RNF10: variants seen among roughly 807,000 people sequenced by gnomAD.
RNF10 encodes the protein E3 ubiquitin-protein ligase RNF10.
RNF10 carries 38 observed loss-of-function variants against 91.4 expected under a neutral mutation model. The ratio of observed to expected loss-of-function variants is 0.42; its 90% CI spans 0.32 to 0.54. The LOEUF (loss-of-function observed/expected upper bound fraction) is 0.54. Ranked by LOEUF, RNF10 falls within the 20% of genes least tolerant of loss-of-function variation. The probability of loss-of-function intolerance (pLI) is 0.16; values close to 1 mark genes in which losing one functional copy is unlikely to be tolerated. For synonymous variants in RNF10, 364 were observed against 366.3 expected, an observed-to-expected ratio of 0.99 and a Z score of 0.07; for missense variants, 945 against 1,012.0, an observed-to-expected ratio of 0.93 and a Z score of 0.90.
intron 1 of RNF10, among the ~76,000 whole-genome samples, chr12:120,538,454 A>C (rs1435751827): frequency 1.3e-5 from 2 of 152,236 alleles, no homozygotes; most frequent in Admixed American, 1.3e-4. Flanking sequence ...CTAGAGTCGC[A>C]TACCACAGTT....
At chr12:120,551,098 A>T (rs1022161290) in intron 2 of RNF10, among the ~76,000 whole-genome samples, 1 of 150,200 alleles carries the variant, frequency 6.7e-6, no homozygotes. Flanking sequence ...TTATCCTCCC[A>T]CCTCAGCCTT....
At chr12:120,537,518 C>T (rs572961119) in intron 1 of RNF10, among the ~76,000 whole-genome samples, 71 of 152,008 alleles carry the variant, frequency 4.7e-4, no homozygotes, top group African/African-American at 1.6e-3. Context: ...ATCCCAGCTA[C>T]TCGGGGGGCT....
In RNF10 at chr12:120,576,592, G is replaced by C. The variant is rs760001652; in HGVS notation, c.2362G>C (p.Glu788Gln). 225 of 1,613,628 alleles carry C rather than the reference G, an allele frequency of 1.4e-4. No individual in the cohort carries two copies. The highest frequency in any genetic ancestry group is 1.9e-4 in the Non-Finnish European group (223 of 1,179,798). ...TPATSDPLSE[E>Q]KGGKKRKKQK... ...TGTCTTTCTGTGTCTCCCTTTAGAA[G>C]AGAAAGGAGGAAAGAAAAGAAAAAA... The change falls in exon 17 of 17, where the codon GAG (glutamate) becomes CAG (glutamine). Residue 788 changes from glutamate (E) to glutamine (Q), a missense_variant and splice_region_variant. Physicochemically the swap from Glu to Gln is conservative, Grantham distance 29. Transcript: ENST00000325954.
At position 120,539,443 on chromosome 12, in the gene RNF10, T is replaced by A. The variant is rs779328858; in HGVS notation, c.157+4475T>A. The A allele has an allele frequency of 4.0e-5, 52 of 1,287,658 alleles. No homozygotes were observed. In the South Asian group the frequency reaches 6.2e-4, roughly 15 times the overall value. The allele number at this position is 1,287,658 out of a possible 1,614,324, so 79.8% of individuals were successfully genotyped here. On this transcript the variant is annotated intron_variant, in intron 1 of 16. Transcript: ENST00000325954. Reference sequence around the variant, plus strand: ...AGGCCATATGTTGCCCCTCTGGAGGTGCTTGTCAACTACTCTGGATGATGG... The same window carrying A: ...AGGCCATATGTTGCCCCTCTGGAGGAGCTTGTCAACTACTCTGGATGATGG...
chr12:120,572,974 CAG>C (rs1473239570), intron 14 of RNF10, among the ~76,000 whole-genome samples: 1 of 140,092 alleles, frequency 7.1e-6, no homozygotes, highest in Non-Finnish European at 1.5e-5. Flanking sequence ...TTTTGAAATA[CAG>C]AGTTGAAAGA....
chr12:120,561,005 A>C, intron 7 of RNF10, 119 bp downstream of exon 7: 1 of 996,790 alleles, frequency 1.0e-6, no homozygotes, highest in Admixed American at 2.8e-5. Context: ...CTGGGGATTA[A>C]GTTAGTTCCA....
intron 2 of RNF10, among the ~76,000 whole-genome samples, chr12:120,551,387 CG>C (rs1873066249): frequency 6.9e-6 from 1 of 145,210 alleles, no homozygotes; most frequent in Admixed American, 7.1e-5. Flanking sequence ...CTCTGCCTCT[CG>C]GGTTCAAGCG....
chr12:120,565,893 G>A (rs1875614238), intron 12 of RNF10, among the ~76,000 whole-genome samples: 1 of 152,228 alleles, frequency 6.6e-6, no homozygotes, highest in South Asian at 2.1e-4. Flanking sequence ...TACACAGCAA[G>A]TCTGCCAGGT....
intron 3 of RNF10, chr12:120,554,498 A>G (rs1053863739): frequency 2.0e-6 from 1 of 488,854 alleles, no homozygotes; most frequent in East Asian, 3.8e-5. Flanking sequence ...CTTGAAGCAG[A>G]AGAAAACAGT....
At chr12:120,551,597 T>G (rs1873104127) in intron 2 of RNF10, among the ~76,000 whole-genome samples, 1 of 151,646 alleles carries the variant, frequency 6.6e-6, no homozygotes, top group African/African-American at 2.4e-5. Flanking sequence ...CTATTCCTGG[T>G]CACCCATCCT....
intron 13 of RNF10, among the ~76,000 whole-genome samples, chr12:120,569,971 C>T (rs1876373880): frequency 6.6e-6 from 1 of 152,308 alleles, no homozygotes; most frequent in East Asian, 1.9e-4. Context: ...TGGCTCACTG[C>T]AACTTCCCCC....
At chr12:120,557,818 AG>A (rs1407904628) in intron 6 of RNF10, 136 bp downstream of exon 6, 8 of 941,756 alleles carry the variant, frequency 8.5e-6, no homozygotes, top group Non-Finnish European at 1.3e-5. Flanking sequence ...GGATTCCAGT[AG>A]GTTAGGGTGG....
chr12:120,547,380 C>G (rs974697313), intron 2 of RNF10, among the ~76,000 whole-genome samples: 5 of 152,272 alleles, frequency 3.3e-5, no homozygotes, highest in African/African-American at 1.2e-4. Context: ...CAGCCTTGAC[C>G]TCCTGGGCTC....
chr12:120,566,761 CAAAA>C (rs35194242), intron 12 of RNF10, 60 bp from the exon 13 acceptor site: 1,413 of 1,281,060 alleles, frequency 1.1e-3, no homozygotes, highest in East Asian at 2.6e-3. Context: ...GACCCCATCT[CAAAA>C]AAAAAAAAAA....
chr12:120,546,522 T>C lies in RNF10; in HGVS notation c.275T>C (p.Phe92Ser). ...RRSSSQKSKT[F>S]NKMPPQRGGG... ...TCCAGTTCACAGAAAAGCAAGACTT[T>C]TAACAAGATGCCTCCTCAAAGGGGC... is the stretch of plus-strand genomic sequence containing the variant. Residue 92 changes from phenylalanine to serine, a missense_variant, in exon 2 of 17, where the codon TTT becomes TCT. Physicochemically the swap from Phe to Ser is radical, Grantham distance 155. Transcript: ENST00000325954. 6.2e-7 allele frequency: 1 copy of C among 1,614,214 alleles called. No homozygotes were observed. The highest frequency in any genetic ancestry group is 8.5e-7 in the Non-Finnish European group (1 of 1,180,026).
chr12:120,543,781 C>G (rs1224077882), intron 1 of RNF10, among the ~76,000 whole-genome samples: 3 of 148,088 alleles, frequency 2.0e-5, no homozygotes, highest in African/African-American at 7.5e-5. Flanking sequence ...GCCTGGGTGA[C>G]AAAAGTAAGA....
intron 8 of RNF10, 106 bp downstream of exon 8, chr12:120,563,176 T>C: frequency 6.5e-7 from 1 of 1,542,110 alleles, no homozygotes; most frequent in Non-Finnish European, 8.9e-7. Flanking sequence ...GAGGGGACAA[T>C]GAGTATTTTC....
chr12:120,547,803 A>G (rs1254661498), intron 2 of RNF10, among the ~76,000 whole-genome samples: 1 of 152,162 alleles, frequency 6.6e-6, no homozygotes, highest in Non-Finnish European at 1.5e-5. Context: ...GAGAGATGAG[A>G]AGCCATTGAA....
At chr12:120,541,892 A>T (rs1368291326) in intron 1 of RNF10, among the ~76,000 whole-genome samples, 1 of 149,092 alleles carries the variant, frequency 6.7e-6, no homozygotes, top group African/African-American at 2.5e-5. Context: ...TTTGAGATGG[A>T]GTCTCACTGT....
Sources: allele counts gnomAD v4.1 joint callset (sites outside exome capture counted in the v4.1 genomes callset), GRCh38; gene constraint gnomAD v4.1.1; transcripts MANE v1.5; gene names NCBI Gene and HGNC (gene_info 2026-07-23, HGNC 2026-07-21).